MAMDC2: variants seen among roughly 807,000 people sequenced by gnomAD.
MAMDC2 encodes the protein MAM domain containing 2, also known as MAM domain-containing protein 2.
A neutral mutation model predicts 89.8 loss-of-function variants in MAMDC2; 57 were observed. The ratio of observed to expected loss-of-function variants is 0.63; its 90% CI spans 0.51 to 0.79. MAMDC2 has a LOEUF of 0.79. MAMDC2 is among the 30% of genes least tolerant of loss of function. The pLI, the probability that MAMDC2 is intolerant of heterozygous loss-of-function variation, is 0.00. For missense variants in MAMDC2, 800 were observed against 820.6 expected (o/e 0.97, Z 0.31); for synonymous variants, 313 against 293.4 (o/e 1.07, Z -0.68).
chr9:70,148,148 A>G (rs1159243466), intron 9 of MAMDC2: 1 of 150,194 alleles, frequency 6.7e-6, no homozygotes, highest in Non-Finnish European at 1.5e-5. Flanking sequence ...TTCCATTCTA[A>G]TCACACTGAG....
chr9:70,122,521 G>C (rs754597838), intron 5 of MAMDC2, among the ~76,000 whole-genome samples: 20 of 152,186 alleles, frequency 1.3e-4, no homozygotes, highest in Non-Finnish European at 2.6e-4. Flanking sequence ...TCCTGGGAGA[G>C]ATGGCTATGA....
chr9:70,157,301 G>A (rs1382468169), intron 9 of MAMDC2, among the ~76,000 whole-genome samples: 1 of 152,142 alleles, frequency 6.6e-6, no homozygotes, highest in Non-Finnish European at 1.5e-5. Flanking sequence ...GGTTTTCTGA[G>A]CTCATAGACC....
chr9:70,181,617 T>C (rs1475191707), intron 11 of MAMDC2, among the ~76,000 whole-genome samples: 1 of 152,158 alleles, frequency 6.6e-6, no homozygotes, highest in Non-Finnish European at 1.5e-5. Context: ...TTTGTAGCTA[T>C]TGTGAATGGG....
chr9:70,088,618 T>C (rs969935890), intron 2 of MAMDC2: 1 of 151,406 alleles, frequency 6.6e-6, no homozygotes, highest in Non-Finnish European at 1.5e-5. Flanking sequence ...GGCCATAGTT[T>C]TCTATTTTAA....
At chr9:70,045,564 C>CT (rs1463252862) in intron 2 of MAMDC2, among the ~76,000 whole-genome samples, 1 of 152,116 alleles carries the variant, frequency 6.6e-6, no homozygotes, top group East Asian at 1.9e-4. Context: ...ACCAGCTCAC[C>CT]TCCTTCCCCA....
Position 70,044,485 on chromosome 9 carries a change from CT to C in MAMDC2, c.35-96del. On this transcript the variant is annotated intron_variant, in intron 1 of 13. Transcript: ENST00000377182. Reference sequence around the variant, plus strand: ...CCCTCTCCCGCCCCCTCCCGCTCGTCTTTCCCCCACTTTCACCAGGTAGTCC... The same window carrying C: ...CCCTCTCCCGCCCCCTCCCGCTCGTCTTCCCCCACTTTCACCAGGTAGTCC... 9.9e-6 allele frequency: 10 copies of C among 1,014,376 alleles called. No individual in the cohort carries two copies. The East Asian group carries it at 1.8e-4, about 18-fold the overall frequency. 62.8% of individuals were successfully genotyped at this position (1,014,376 alleles called of 1,614,324 possible). A position where few individuals can be genotyped will look rare whatever the true frequency, so the allele number is the denominator to read the frequency against.
chr9:70,057,414 G>T (rs1401174039), intron 2 of MAMDC2, among the ~76,000 whole-genome samples: 2 of 152,162 alleles, frequency 1.3e-5, no homozygotes, highest in Non-Finnish European at 2.9e-5. Flanking sequence ...AAAGCAGACA[G>T]CTCAGTTGCC....
intron 5 of MAMDC2, among the ~76,000 whole-genome samples, chr9:70,114,273 C>T (rs73449502): frequency 0.014 from 2,062 of 145,150 alleles, 42 homozygotes; most frequent in African/African-American, 0.05. Context: ...GTGAGGACTG[C>T]GGCAAACTAG....
intron 11 of MAMDC2, among the ~76,000 whole-genome samples, chr9:70,205,449 C>A (rs2033205244): frequency 6.6e-6 from 1 of 152,178 alleles, no homozygotes; most frequent in African/African-American, 2.4e-5. Context: ...TTTAAGAATT[C>A]TTTTCCAGCT....
At chr9:70,119,997 A>G (rs1188083034) in intron 5 of MAMDC2, among the ~76,000 whole-genome samples, 1 of 152,178 alleles carries the variant, frequency 6.6e-6, no homozygotes, top group African/African-American at 2.4e-5. Context: ...CCATCTGTGA[A>G]TCCTGCTTAG....
intron 8 of MAMDC2, among the ~76,000 whole-genome samples, chr9:70,140,643 C>T (rs1263515092): frequency 6.6e-6 from 1 of 151,978 alleles, no homozygotes; most frequent in Non-Finnish European, 1.5e-5. Flanking sequence ...TGCCAGGGGC[C>T]GTGGCAGAGG....
At chr9:70,133,825 T>C (rs2030901024) in intron 7 of MAMDC2, among the ~76,000 whole-genome samples, 1 of 152,126 alleles carries the variant, frequency 6.6e-6, no homozygotes, top group Non-Finnish European at 1.5e-5. Context: ...TACTTTATTT[T>C]CAAAATATGA....
chr9:70,087,364 T>C (rs1226311635), intron 2 of MAMDC2: 2 of 152,190 alleles, frequency 1.3e-5, no homozygotes, highest in Admixed American at 1.3e-4. Flanking sequence ...TTAATCTCCA[T>C]CTCTTTGTAT....
intron 11 of MAMDC2, among the ~76,000 whole-genome samples, chr9:70,173,637 T>C (rs1226293221): frequency 2.0e-5 from 3 of 152,192 alleles, no homozygotes; most frequent in Admixed American, 1.3e-4. Context: ...AGAGATCTAA[T>C]AAGAGGTACA....
At chr9:70,083,869 G>A (rs548263605) in intron 2 of MAMDC2, 2 of 152,156 alleles carry the variant, frequency 1.3e-5, no homozygotes, top group African/African-American at 4.8e-5. Flanking sequence ...TTAAATGTGA[G>A]AGGGACACAA....
intron 9 of MAMDC2, among the ~76,000 whole-genome samples, chr9:70,163,809 C>T (rs892886787): frequency 1.3e-5 from 2 of 151,552 alleles, no homozygotes; most frequent in African/African-American, 4.9e-5. Context: ...CAAAAATTAG[C>T]CGGGTGTGGT....
At chr9:70,121,867 G>C (rs1291895187) in intron 5 of MAMDC2, among the ~76,000 whole-genome samples, 1 of 152,076 alleles carries the variant, frequency 6.6e-6, no homozygotes, top group Non-Finnish European at 1.5e-5. Context: ...TACCATCATT[G>C]TTTTTAGAAA....
rs140064756 is a variant in MAMDC2 at position 70,176,142 on chromosome 9, C to T, written c.1651+5511C>T. Among the ~76,000 whole-genome samples, 332 of 152,266 alleles carry T rather than the reference C, an allele frequency of 2.2e-3. 1 individual carries two copies. Among genetic ancestry groups the T allele is most frequent in the Admixed American group, 3.8e-3 (58 of 15,300 alleles). On this transcript the variant is annotated intron_variant, in intron 11 of 13. Coordinates refer to ENST00000377182, the MANE Select transcript of MAMDC2 (RefSeq NM_153267.5). Reference sequence around the variant, plus strand: ...GCTGACAACCAAGCCCTGTCCTGCTCCTCATGTCATTATGCTAAAATAATG... The same window carrying T: ...GCTGACAACCAAGCCCTGTCCTGCTTCTCATGTCATTATGCTAAAATAATG...
At chr9:70,183,604 T>G (rs1021301428) in intron 11 of MAMDC2, among the ~76,000 whole-genome samples, 23 of 152,250 alleles carry the variant, frequency 1.5e-4, no homozygotes, top group African/African-American at 5.5e-4. Context: ...TGTAATGGCC[T>G]TCTTTGTCTG....
Sources: allele counts gnomAD v4.1 joint callset (sites outside exome capture counted in the v4.1 genomes callset), GRCh38; gene constraint gnomAD v4.1.1; transcripts MANE v1.5; gene names NCBI Gene and HGNC (gene_info 2026-07-23, HGNC 2026-07-21).